FER: variants seen among roughly 807,000 people sequenced by gnomAD.
FER encodes tyrosine-protein kinase Fer.
Under a neutral mutation model 111.0 loss-of-function variants are expected in FER, and 63 were observed. The observed-to-expected ratio is 0.57, with a 90% CI of 0.46 to 0.70. FER has a LOEUF of 0.70. Ranked by LOEUF, FER falls within the 30% of genes least tolerant of loss-of-function variation. FER has a pLI of 0.00. For missense variants in FER, 914 were observed against 954.0 expected (o/e 0.96, Z 0.55); for synonymous variants, 327 against 313.9 (o/e 1.04, Z -0.44).
chr5:109,097,440 CCTTATT>C (rs1747681425), intron 16 of FER, among the ~76,000 whole-genome samples: 1 of 151,832 alleles, frequency 6.6e-6, no homozygotes, highest in Non-Finnish European at 1.5e-5. Context: ...GCACCAAGAT[CCTTATT>C]GCAATGGTCA....
At chr5:109,088,148 A>T (rs1431262657) in intron 16 of FER, among the ~76,000 whole-genome samples, 1 of 152,006 alleles carries the variant, frequency 6.6e-6, no homozygotes, top group Non-Finnish European at 1.5e-5. Context: ...ATTACATATT[A>T]CGGGTCATGG....
chr5:109,135,247 T>G (rs1258795731), intron 17 of FER, among the ~76,000 whole-genome samples: 3 of 152,182 alleles, frequency 2.0e-5, no homozygotes, highest in Non-Finnish European at 4.4e-5. Flanking sequence ...TTTAGGCACC[T>G]TATGTATATT....
At chr5:108,983,103 G>T (rs577565941) in intron 13 of FER, among the ~76,000 whole-genome samples, 1 of 152,004 alleles carries the variant, frequency 6.6e-6, no homozygotes, top group Non-Finnish European at 1.5e-5. Context: ...TGTTGAATGA[G>T]TGAATTGATA....
chr5:108,937,266 T>G (rs1005670877), intron 10 of FER, among the ~76,000 whole-genome samples: 4 of 151,962 alleles, frequency 2.6e-5, no homozygotes, highest in Non-Finnish European at 5.9e-5. Context: ...GATATCTGGC[T>G]TGTATAACAG....
At chr5:108,816,738 T>C (rs1306920117) in intron 3 of FER, among the ~76,000 whole-genome samples, 1 of 152,110 alleles carries the variant, frequency 6.6e-6, no homozygotes, top group Non-Finnish European at 1.5e-5. Context: ...TACTGATGTA[T>C]AGACCCCATC....
intron 13 of FER, among the ~76,000 whole-genome samples, chr5:108,993,143 C>T (rs950850513): frequency 1.1e-4 from 17 of 152,130 alleles, no homozygotes; most frequent in African/African-American, 3.4e-4. Flanking sequence ...GGGTGGCGGC[C>T]GGGCAGAGGC....
At chr5:109,093,001 C>G (rs2150048364) in intron 16 of FER, among the ~76,000 whole-genome samples, 1 of 152,190 alleles carries the variant, frequency 6.6e-6, no homozygotes, top group Admixed American at 6.5e-5. Context: ...AATAAAACAG[C>G]CACAGAAAGA....
At chr5:109,052,078 A>G (rs1055822091) in intron 16 of FER, 2 of 1,603,842 alleles carry the variant, frequency 1.2e-6, no homozygotes, top group Non-Finnish European at 1.7e-6. Flanking sequence ...AATCTGCTTC[A>G]AGTGCATCTC....
chr5:109,183,871 G>C (rs1175192508), intron 18 of FER, among the ~76,000 whole-genome samples: 1 of 152,130 alleles, frequency 6.6e-6, no homozygotes, highest in Non-Finnish European at 1.5e-5. Flanking sequence ...CAATACTAAA[G>C]GGCCTTCCCA....
chr5:109,015,195 C>A (rs752895471), intron 13 of FER, among the ~76,000 whole-genome samples: 2 of 152,058 alleles, frequency 1.3e-5, no homozygotes, highest in African/African-American at 4.8e-5. Context: ...ATTAAAGCAA[C>A]ATGTGCTAGC....
chr5:108,985,412 C>A (rs1331129032), intron 13 of FER, among the ~76,000 whole-genome samples: 1 of 151,920 alleles, frequency 6.6e-6, no homozygotes, highest in Non-Finnish European at 1.5e-5. Context: ...TGTTTCTTTC[C>A]ACTTTTTAAA....
chr5:108,987,382 G>T (rs191061510), intron 13 of FER, among the ~76,000 whole-genome samples: 18 of 152,200 alleles, frequency 1.2e-4, no homozygotes, highest in Admixed American at 5.2e-4. Flanking sequence ...GGAGGTGGAG[G>T]TTGCAGTGAG....
chr5:109,103,965 GAC>G (rs1305014372), intron 17 of FER, among the ~76,000 whole-genome samples: 2 of 152,198 alleles, frequency 1.3e-5, no homozygotes, highest in Non-Finnish European at 2.9e-5. Context: ...GTAAAAGGAG[GAC>G]ACACTTTTTA....
intron 18 of FER, 81 bp downstream of exon 18, chr5:109,180,982 G>T (rs1409093740): frequency 2.6e-6 from 3 of 1,173,660 alleles, no homozygotes; most frequent in South Asian, 3.7e-5. Flanking sequence ...TATTTACAGG[G>T]GTAGCACAGA....
intron 17 of FER, among the ~76,000 whole-genome samples, chr5:109,126,672 T>C (rs1023039981): frequency 1.3e-5 from 2 of 152,176 alleles, no homozygotes; most frequent in African/African-American, 4.8e-5. Context: ...TACCGGATTG[T>C]TTATTTTGTG....
intron 16 of FER, among the ~76,000 whole-genome samples, chr5:109,060,253 G>C (rs186107338): frequency 3.3e-4 from 50 of 152,268 alleles, no homozygotes; most frequent in Admixed American, 2.9e-3. Flanking sequence ...TGTACAATAA[G>C]CTGGGTAGAA....
intron 16 of FER, among the ~76,000 whole-genome samples, chr5:109,073,141 G>T (rs1398485809): frequency 6.6e-6 from 1 of 152,064 alleles, no homozygotes; most frequent in Non-Finnish European, 1.5e-5. Flanking sequence ...CATAAATTTT[G>T]GGGGGACAAT....
intron 17 of FER, among the ~76,000 whole-genome samples, chr5:109,103,819 T>C (rs1278846937): frequency 1.3e-5 from 2 of 152,210 alleles, no homozygotes; most frequent in East Asian, 3.8e-4. Context: ...GAGTCAGGAT[T>C]GACATACTTG....
intron 1 of FER, among the ~76,000 whole-genome samples, chr5:108,762,563 C>T (rs759109579): frequency 2.0e-5 from 3 of 152,134 alleles, no homozygotes; most frequent in Non-Finnish European, 2.9e-5. Context: ...AGGGGTTTCC[C>T]ACATAAAAGC....
Sources: allele counts gnomAD v4.1 joint callset (sites outside exome capture counted in the v4.1 genomes callset), GRCh38; gene constraint gnomAD v4.1.1; transcripts MANE v1.5; gene names NCBI Gene and HGNC (gene_info 2026-07-23, HGNC 2026-07-21).